Variants in GDI2 observed in about 807,000 individuals in gnomAD.
The protein encoded by GDI2 is rab GDP dissociation inhibitor beta.
A neutral mutation model predicts 54.2 loss-of-function variants in GDI2; 22 were observed. The ratio of observed to expected loss-of-function variants is 0.41; its 90% CI spans 0.29 to 0.58. GDI2 has a LOEUF of 0.58. GDI2 is among the 20% of genes least tolerant of loss of function. The pLI, the probability that GDI2 is intolerant of heterozygous loss-of-function variation, is 0.35. For missense variants in GDI2, 422 were observed against 546.0 expected, an observed-to-expected ratio of 0.77 and a Z score of 2.26; for synonymous variants, 177 against 182.1, an observed-to-expected ratio of 0.97 and a Z score of 0.23.
intron 7 of GDI2, chr10:5,769,240 G>A (rs1025270926): frequency 1.3e-5 from 2 of 151,992 alleles, no homozygotes; most frequent in Admixed American, 1.3e-4. Flanking sequence ...AATACATCAA[G>A]AACTCCTAAA....
At position 5,811,769 on chromosome 10, in the gene GDI2, T is replaced by C. The variant is rs1430661591; in HGVS notation, c.45+1445A>G. On this transcript the variant is annotated intron_variant, in intron 1 of 10. Coordinates refer to ENST00000380191, the MANE Select transcript of GDI2 (RefSeq NM_001494.4). ...AGACACAGGATTATTCCTGGATTGG[T>C]CAAACATAACGAAGTATTCAGAATG... 1.8e-5 allele frequency: 6 copies of C among 334,072 alleles called. No individual in the cohort carries two copies. In the East Asian group the frequency reaches 6.3e-4, roughly 35 times the overall value. 20.7% of individuals were successfully genotyped at this position (334,072 alleles called of 1,614,324 possible).
intron 1 of GDI2, chr10:5,811,960 TAAA>T (rs146282355): frequency 1.9e-3 from 1,277 of 662,484 alleles, no homozygotes; most frequent in South Asian, 2.9e-3. Flanking sequence ...ATGTTACCTG[TAAA>T]AAAAAAAAAA....
In GDI2 at chr10:5,765,958, T is replaced by C. The variant is rs1172829258; in HGVS notation, c.*48A>G. 3 of 1,433,954 alleles carry C rather than the reference T, an allele frequency of 2.1e-6. No homozygotes were observed. The highest frequency in any genetic ancestry group is 2.8e-6 in the Non-Finnish European group (3 of 1,058,130). 88.8% of individuals were successfully genotyped at this position (1,433,954 alleles called of 1,614,324 possible). A position where few individuals can be genotyped will look rare whatever the true frequency, so the allele number is the denominator to read the frequency against. On this transcript the variant is annotated 3_prime_UTR_variant, in exon 11 of 11. Transcript: ENST00000380191. ...ATATTGATTTCATTATATGCATTAT[T>C]TGCCAAATTTTAAATGTGTCCTAAT...
chr10:5,808,071 T>C (rs901630649), intron 1 of GDI2, among the ~76,000 whole-genome samples: 4 of 152,204 alleles, frequency 2.6e-5, no homozygotes, highest in Non-Finnish European at 5.9e-5. Flanking sequence ...GCAAGGTGGC[T>C]CACGCCTGTA....
At position 5,778,417 on chromosome 10, in the gene GDI2, G is replaced by A. The variant is rs569362132; in HGVS notation, c.720-4476C>T. ...GCTTTCTTTCATGCATTGACTATATGCATTTTGTTAATGTGCATTTTGTTT... is the reference window on the plus strand; with the variant it reads ...GCTTTCTTTCATGCATTGACTATATACATTTTGTTAATGTGCATTTTGTTT... On this transcript the variant is annotated intron_variant, in intron 6 of 10. Coordinates refer to ENST00000380191, the MANE Select transcript of GDI2 (RefSeq NM_001494.4). 6.9e-4 allele frequency among the ~76,000 whole-genome samples: 105 copies of A among 152,302 alleles called. 1 individual carries two copies. The highest frequency in any genetic ancestry group is 2.5e-3 in the African/African-American group (102 of 41,560).
intron 1 of GDI2, among the ~76,000 whole-genome samples, chr10:5,802,068 T>C (rs148703912): frequency 5.5e-4 from 83 of 152,208 alleles, no homozygotes; most frequent in African/African-American, 1.8e-3. Context: ...CTTTTAAACA[T>C]TGTGTGTGAA....
intron 6 of GDI2, among the ~76,000 whole-genome samples, chr10:5,784,113 C>A (rs1840820712): frequency 6.6e-6 from 1 of 152,170 alleles, no homozygotes; most frequent in Non-Finnish European, 1.5e-5. Flanking sequence ...TTATTGGAGG[C>A]TGCGTTCATT....
chr10:5,796,881 A>G lies in GDI2; in HGVS notation c.154-19T>C. 8.4e-7 allele frequency: 1 copy of G among 1,188,434 alleles called. No homozygotes were observed. Among genetic ancestry groups the G allele is most frequent in the Non-Finnish European group, 1.3e-6 (1 of 795,338 alleles). The allele number at this position is 1,188,434 out of a possible 1,614,324, so 73.6% of individuals were successfully genotyped here. On this transcript the variant is annotated intron_variant, in intron 2 of 10. Coordinates refer to ENST00000380191, the MANE Select transcript of GDI2 (RefSeq NM_001494.4). ...TGTATAACTAAAAGCAAGGAAAAAC[A>G]TAGCCATAATGTTAACAAAATTTAA...
intron 1 of GDI2, among the ~76,000 whole-genome samples, chr10:5,810,492 G>C (rs1306235279): frequency 1.3e-5 from 2 of 152,212 alleles, no homozygotes; most frequent in Non-Finnish European, 2.9e-5. Flanking sequence ...AAGTAAGATA[G>C]AGGGAAAAAA....
chr10:5,805,958 C>A (rs1262417527), intron 1 of GDI2, among the ~76,000 whole-genome samples: 1 of 152,214 alleles, frequency 6.6e-6, no homozygotes, highest in African/African-American at 2.4e-5. Flanking sequence ...CTCCATTTTA[C>A]TCCTGGTGGA....
intron 1 of GDI2, among the ~76,000 whole-genome samples, chr10:5,802,021 A>G (rs1021188350): frequency 3.9e-5 from 6 of 152,146 alleles, no homozygotes; most frequent in African/African-American, 4.8e-5. Context: ...AAGAATTAAT[A>G]AAGTTATTTA....
intron 4 of GDI2, among the ~76,000 whole-genome samples, chr10:5,792,765 T>A (rs1841045114): frequency 6.7e-6 from 1 of 150,316 alleles, no homozygotes. Flanking sequence ...AGTAGAAAAG[T>A]AAGAATGAGA....
chr10:5,787,455 C>T (rs191795266), intron 4 of GDI2, among the ~76,000 whole-genome samples: 5 of 151,794 alleles, frequency 3.3e-5, no homozygotes, highest in Non-Finnish European at 7.4e-5. Context: ...TGCACTGAGC[C>T]GAGATTGCAC....
intron 3 of GDI2, among the ~76,000 whole-genome samples, chr10:5,796,144 G>A (rs2077304525): frequency 6.6e-6 from 1 of 152,130 alleles, no homozygotes. Context: ...GATGTCAGGA[G>A]TTCAAGACCA....
At chr10:5,808,509 A>G (rs1841422182) in intron 1 of GDI2, among the ~76,000 whole-genome samples, 1 of 151,966 alleles carries the variant, frequency 6.6e-6, no homozygotes, top group Non-Finnish European at 1.5e-5. Flanking sequence ...CCCCATCGCT[A>G]CTAAACATAC....
intron 7 of GDI2, among the ~76,000 whole-genome samples, chr10:5,770,597 ATGGTGGTTG>A (rs1840464861): frequency 6.6e-6 from 1 of 151,596 alleles, no homozygotes; most frequent in Non-Finnish European, 1.5e-5. Flanking sequence ...ATGGAGATGA[ATGGTGGTTG>A]TGGTGGTTGT....
chr10:5,811,760 C>T, intron 1 of GDI2: 1 of 321,500 alleles, frequency 3.1e-6, no homozygotes, highest in Non-Finnish European at 6.2e-6. Flanking sequence ...AGGATTATTC[C>T]TGGATTGGTC....
At chr10:5,805,219 G>C (rs930041920) in intron 1 of GDI2, among the ~76,000 whole-genome samples, 5 of 152,062 alleles carry the variant, frequency 3.3e-5, no homozygotes, top group Admixed American at 1.3e-4. Context: ...CTGCCAACTT[G>C]TTAGAAATGT....
At chr10:5,777,556 T>A (rs947640846) in intron 6 of GDI2, among the ~76,000 whole-genome samples, 3 of 152,020 alleles carry the variant, frequency 2.0e-5, no homozygotes, top group Non-Finnish European at 2.9e-5. Context: ...ATTAGAGAAA[T>A]ACAAATCAAA....
Sources: gnomAD v4.1 joint callset for allele counts (sites outside exome capture counted in the v4.1 genomes callset) on GRCh38, gnomAD v4.1.1 for gene constraint, MANE v1.5 for transcripts, NCBI Gene and HGNC (gene_info 2026-07-23, HGNC 2026-07-21) for gene names.